The following NAV2 variants were observed in gnomAD, a reference collection of about 807,000 sequenced individuals.
NAV2 encodes the protein helicase, APC down-regulated 1.
NAV2 carries 54 observed loss-of-function variants against 223.2 expected under a neutral mutation model. The observed-to-expected ratio is 0.24, with a 90% CI of 0.19 to 0.30. The LOEUF is 0.30. Among genes scored for constraint, NAV2 ranks in the 10% least tolerant of loss-of-function variants. NAV2 has a pLI of 1.00. For synonymous variants in NAV2, 1,279 were observed against 1,239.3 expected, an observed-to-expected ratio of 1.03 and a Z score of -0.67; for missense variants, 2,806 against 3,147.5, an observed-to-expected ratio of 0.89 and a Z score of 2.60.
chr11:20,018,268 C>T (rs1235258787), intron 11 of NAV2, among the ~76,000 whole-genome samples: 1 of 146,242 alleles, frequency 6.8e-6, no homozygotes, highest in Admixed American at 7.1e-5. Flanking sequence ...GCATGAGAAT[C>T]GCTTGAACCC....
At chr11:20,009,889 AAGACCAG>A (rs2053423087) in intron 11 of NAV2, among the ~76,000 whole-genome samples, 1 of 151,904 alleles carries the variant, frequency 6.6e-6, no homozygotes, top group Non-Finnish European at 1.5e-5. Flanking sequence ...CCCCACACCA[AAGACCAG>A]ATTGGGTGTC....
At chr11:19,624,251 A>T (rs970690705) in intron 1 of NAV2, among the ~76,000 whole-genome samples, 1 of 152,156 alleles carries the variant, frequency 6.6e-6, no homozygotes, top group Non-Finnish European at 1.5e-5. Context: ...CCGTTCTCAG[A>T]TTTCAAACTC....
chr11:19,718,532 G>A (rs2050497907), intron 1 of NAV2, among the ~76,000 whole-genome samples: 1 of 131,206 alleles, frequency 7.6e-6, no homozygotes, highest in Non-Finnish European at 1.8e-5. Flanking sequence ...TACAACCTGT[G>A]GCAACTTTGC....
At chr11:20,055,981 A>C in intron 19 of NAV2, 24 bp downstream of exon 19, 1 of 1,601,218 alleles carries the variant, frequency 6.2e-7, no homozygotes, top group Non-Finnish European at 8.5e-7. Flanking sequence ...GGAAGAAGGT[A>C]AGGAAGGAAA....
At chr11:19,649,442 T>G (rs1358578675) in intron 1 of NAV2, among the ~76,000 whole-genome samples, 1 of 152,212 alleles carries the variant, frequency 6.6e-6, no homozygotes, top group Non-Finnish European at 1.5e-5. Context: ...AACAAACATT[T>G]GTTTCTCACA....
intron 1 of NAV2, among the ~76,000 whole-genome samples, chr11:19,512,523 C>T (rs79942495): frequency 0.011 from 1,607 of 152,240 alleles, 33 homozygotes; most frequent in African/African-American, 0.036. Flanking sequence ...GGGTCCCATC[C>T]CCTGCTGGTA....
intron 1 of NAV2, among the ~76,000 whole-genome samples, chr11:19,685,641 C>T (rs1018538249): frequency 3.3e-5 from 5 of 152,114 alleles, no homozygotes; most frequent in African/African-American, 9.7e-5. Flanking sequence ...GTGAAACAGC[C>T]GTATGATGAT....
chr11:19,631,251 C>T (rs1391046566), intron 1 of NAV2, among the ~76,000 whole-genome samples: 4 of 151,762 alleles, frequency 2.6e-5, no homozygotes, highest in Admixed American at 6.6e-5. Flanking sequence ...TGCTATCCCT[C>T]CCCCTTTCCC....
In NAV2 at chr11:20,054,198, G is replaced by C; in HGVS notation, c.4600G>C (p.Val1534Leu). ...ANSPFSSGSS[V>L]TSPSGTRFNF... ...TTCCCCCTTTTCCTCTGGCTCCAGCGTGACTTCTCCCTCCGGAACAAGATT... is the reference window on the plus strand; with the variant it reads ...TTCCCCCTTTTCCTCTGGCTCCAGCCTGACTTCTCCCTCCGGAACAAGATT... Residue 1534 changes from valine to leucine, a missense_variant, in exon 18 of 38, where the codon GTG (valine) becomes CTG (leucine). This residue lies in a region of NAV2 where 742 missense variants were observed against 777.9 expected (regional missense o/e 0.95). Coordinates refer to ENST00000349880, the MANE Select transcript of NAV2 (RefSeq NM_145117.5). 6.2e-7 allele frequency: 1 copy of C among 1,612,982 alleles called. No homozygotes were observed.
intron 1 of NAV2, among the ~76,000 whole-genome samples, chr11:19,789,544 G>T (rs1051543613): frequency 2.0e-5 from 3 of 152,168 alleles, no homozygotes; most frequent in Non-Finnish European, 4.4e-5. Flanking sequence ...AACATTTGTT[G>T]ACTTGAATCA....
chr11:19,751,635 T>C (rs2053828091), intron 1 of NAV2, among the ~76,000 whole-genome samples: 1 of 152,206 alleles, frequency 6.6e-6, no homozygotes, highest in Admixed American at 6.5e-5. Context: ...GTGTGCTCTT[T>C]CTTGACCAAC....
At chr11:19,849,454 T>G (rs1170963630) in intron 3 of NAV2, among the ~76,000 whole-genome samples, 4 of 152,210 alleles carry the variant, frequency 2.6e-5, no homozygotes, top group Non-Finnish European at 5.9e-5. Flanking sequence ...AGGTGGCCCC[T>G]TGTGAAAGGC....
intron 1 of NAV2, among the ~76,000 whole-genome samples, chr11:19,650,709 G>T (rs1201456402): frequency 6.6e-6 from 1 of 152,146 alleles, no homozygotes; most frequent in Non-Finnish European, 1.5e-5. Context: ...TGCAAATTGT[G>T]GTGTATTCAC....
chr11:19,914,938 G>A (rs937892907), intron 6 of NAV2, among the ~76,000 whole-genome samples: 4 of 152,164 alleles, frequency 2.6e-5, no homozygotes, highest in African/African-American at 9.7e-5. Context: ...CCAGCCTTCT[G>A]CTATATTGTT....
At chr11:19,769,198 A>G (rs1352155920) in intron 1 of NAV2, among the ~76,000 whole-genome samples, 2 of 152,230 alleles carry the variant, frequency 1.3e-5, no homozygotes, top group Non-Finnish European at 2.9e-5. Flanking sequence ...TCACTGGAAT[A>G]TGACCAGGAA....
chr11:20,055,735 G>T (rs367548736), intron 18 of NAV2, 34 bp from the exon 19 acceptor site: 1 of 1,595,658 alleles, frequency 6.3e-7, no homozygotes, highest in Non-Finnish European at 8.6e-7. Context: ...AGACATGAAT[G>T]TCTAACCTTT....
chr11:19,900,340 C>T (rs969860836), intron 6 of NAV2, among the ~76,000 whole-genome samples: 2 of 131,956 alleles, frequency 1.5e-5, no homozygotes, highest in Admixed American at 8.0e-5. Context: ...AGTTTTGGGG[C>T]CTTGCAATCA....
At chr11:20,067,974 T>G (rs560846513) in intron 20 of NAV2, among the ~76,000 whole-genome samples, 1 of 152,308 alleles carries the variant, frequency 6.6e-6, no homozygotes, top group East Asian at 1.9e-4. Flanking sequence ...GTTCTCATTC[T>G]TCCTAATTTT....
At chr11:19,776,524 C>A (rs565511373) in intron 1 of NAV2, among the ~76,000 whole-genome samples, 56 of 151,628 alleles carry the variant, frequency 3.7e-4, no homozygotes, top group South Asian at 1.3e-3. Context: ...CTCTGTCCTT[C>A]ACGTGGCAGG....
Sources: gnomAD v4.1 joint callset for allele counts (sites outside exome capture counted in the v4.1 genomes callset) on GRCh38, gnomAD v4.1.1 for gene constraint, gnomAD v4.1.1 regional missense constraint, MANE v1.5 for transcripts, NCBI Gene and HGNC (gene_info 2026-07-23, HGNC 2026-07-21) for gene names.